Variants in NCKAP5 observed in about 807,000 individuals in gnomAD.
NCKAP5 encodes the protein NCK associated protein 5.
Under a neutral mutation model 167.0 loss-of-function variants are expected in NCKAP5, and 92 were observed. The observed-to-expected ratio is 0.55, with a 90% CI of 0.47 to 0.66. The LOEUF (loss-of-function observed/expected upper bound fraction) is 0.66, where lower values mean the gene tolerates loss of function less well. Among genes scored for constraint, NCKAP5 ranks in the 30% least tolerant of loss-of-function variants. The pLI, the probability that NCKAP5 is intolerant of heterozygous loss-of-function variation, is 0.00. For missense variants in NCKAP5, 2,378 were observed against 2,315.0 expected, an observed-to-expected ratio of 1.03 and a Z score of -0.56; for synonymous variants, 891 against 877.4, an observed-to-expected ratio of 1.02 and a Z score of -0.27.
intron 11 of NCKAP5, among the ~76,000 whole-genome samples, chr2:132,817,993 G>C (rs981296911): frequency 9.9e-5 from 15 of 152,162 alleles, no homozygotes; most frequent in Non-Finnish European, 1.5e-4. Flanking sequence ...CATTGCCCAG[G>C]CTGCAGTGCC....
intron 3 of NCKAP5, among the ~76,000 whole-genome samples, chr2:133,372,206 G>GCAAAGAC (rs1301692993): frequency 1.3e-5 from 2 of 152,156 alleles, no homozygotes; most frequent in Non-Finnish European, 2.9e-5. Context: ...ACTGTTATGG[G>GCAAAGAC]CAAAGACGGT....
At chr2:133,429,983 C>T (rs541946820) in intron 3 of NCKAP5, among the ~76,000 whole-genome samples, 17 of 152,234 alleles carry the variant, frequency 1.1e-4, no homozygotes, top group African/African-American at 3.1e-4. Flanking sequence ...TCACCAATAT[C>T]TGTTATTTTT....
chr2:132,835,905 T>A (rs1263671053), intron 11 of NCKAP5, among the ~76,000 whole-genome samples: 4 of 152,230 alleles, frequency 2.6e-5, no homozygotes, highest in African/African-American at 7.2e-5. Flanking sequence ...CTCCAACTTT[T>A]GAAATAATAA....
chr2:133,341,459 G>A (rs182763118), intron 3 of NCKAP5, among the ~76,000 whole-genome samples: 1 of 152,136 alleles, frequency 6.6e-6, no homozygotes, highest in East Asian at 1.9e-4. Context: ...AAGACCTTCA[G>A]GTAATTTTGA....
chr2:133,078,662 A>G (rs922866365), intron 6 of NCKAP5, among the ~76,000 whole-genome samples: 50 of 152,206 alleles, frequency 3.3e-4, no homozygotes, highest in African/African-American at 1.2e-3. Context: ...CTCCCCATTT[A>G]TACTAATCAC....
intron 6 of NCKAP5, among the ~76,000 whole-genome samples, chr2:133,077,863 C>A (rs2080664520): frequency 6.6e-6 from 1 of 152,178 alleles, no homozygotes. Context: ...AGAAGCAGAA[C>A]AGGAACCCAG....
intron 5 of NCKAP5, among the ~76,000 whole-genome samples, chr2:133,137,406 TTGTGTGTGTGTGTGTG>T (rs58955655): frequency 0.07 from 9,549 of 136,296 alleles, 586 homozygotes; most frequent in East Asian, 0.35. Context: ...GAGCTTGGTT[TTGTGTGTGTGTGTGTG>T]TGTGTGTGTG....
intron 3 of NCKAP5, among the ~76,000 whole-genome samples, chr2:133,307,755 T>C (rs1680883967): frequency 6.6e-6 from 1 of 152,184 alleles, no homozygotes; most frequent in Non-Finnish European, 1.5e-5. Flanking sequence ...TATGCATATG[T>C]GTATAACCAA....
At chr2:133,215,986 T>C (rs899438185) in intron 4 of NCKAP5, among the ~76,000 whole-genome samples, 1 of 151,920 alleles carries the variant, frequency 6.6e-6, no homozygotes, top group Non-Finnish European at 1.5e-5. Flanking sequence ...AATTGGAAAA[T>C]AAAATTTTAA....
At chr2:133,184,367 C>T (rs1408807550) in intron 5 of NCKAP5, among the ~76,000 whole-genome samples, 1 of 152,118 alleles carries the variant, frequency 6.6e-6, no homozygotes, top group Non-Finnish European at 1.5e-5. Context: ...CAATCCACCA[C>T]TGATGGACAC....
rs563475574 is a variant in NCKAP5, at chr2:132,816,408, A to C, written c.808-19679T>G. Among the ~76,000 whole-genome samples the C allele has an allele frequency of 2.9e-4, 44 of 152,278 alleles. No individual in the cohort carries two copies. In the Middle Eastern group the frequency reaches 0.014, roughly 47 times the overall value. On this transcript the variant is annotated intron_variant, in intron 11 of 19. Transcript: ENST00000409261. ...GCCAATGCTGAGTCACAGTTGCTTT[A>C]CAGTCAGAATGTCGGGAGCGGCTTG...
intron 3 of NCKAP5, among the ~76,000 whole-genome samples, chr2:133,406,731 G>A (rs1366278271): frequency 1.3e-5 from 2 of 152,166 alleles, no homozygotes; most frequent in Non-Finnish European, 2.9e-5. Context: ...GCTTTCTGCT[G>A]AGTAAATTCA....
At chr2:133,328,952 A>G (rs1352755538) in intron 3 of NCKAP5, among the ~76,000 whole-genome samples, 1 of 152,186 alleles carries the variant, frequency 6.6e-6, no homozygotes, top group African/African-American at 2.4e-5. Flanking sequence ...CTTTATGTGG[A>G]AATACCTTGT....
intron 3 of NCKAP5, among the ~76,000 whole-genome samples, chr2:133,341,090 G>A (rs1195373286): frequency 5.3e-5 from 8 of 152,034 alleles, no homozygotes; most frequent in Non-Finnish European, 1.0e-4. Context: ...ACCTGTGAAT[G>A]AAATCACTAA....
chr2:133,146,864 C>T (rs1574179417), intron 5 of NCKAP5, among the ~76,000 whole-genome samples: 2 of 152,096 alleles, frequency 1.3e-5, no homozygotes, highest in South Asian at 4.1e-4. Flanking sequence ...CATGTTCTCA[C>T]CTTCATGTTT....
chr2:133,249,379 A>G (rs1005946770), intron 4 of NCKAP5, among the ~76,000 whole-genome samples: 1 of 152,188 alleles, frequency 6.6e-6, no homozygotes, highest in African/African-American at 2.4e-5. Context: ...CAACCACTAG[A>G]AAGTGGGGAA....
intron 7 of NCKAP5, among the ~76,000 whole-genome samples, chr2:132,970,175 T>TA (rs534744951): frequency 9.6e-4 from 146 of 152,242 alleles, no homozygotes; most frequent in Non-Finnish European, 1.5e-3. Context: ...CAGTATTTTT[T>TA]AAAAAATCAA....
chr2:133,150,328 A>G (rs2083343803), intron 5 of NCKAP5, among the ~76,000 whole-genome samples: 1 of 152,216 alleles, frequency 6.6e-6, no homozygotes, highest in Non-Finnish European at 1.5e-5. Flanking sequence ...GGGTTATCAG[A>G]TAAAACAAGC....
chr2:132,951,128 C>A lies in NCKAP5; in HGVS notation c.579+12592G>T, dbSNP rs201367141. On this transcript the variant is annotated intron_variant, in intron 8 of 19. Coordinates refer to ENST00000409261, the MANE Select transcript of NCKAP5 (RefSeq NM_207363.3). Reference sequence around the variant, plus strand: ...TGAGATGCTGTTCTCTCAAAACAAACCACGGACACGTGTTACAAGCTGTAT... The same window carrying A: ...TGAGATGCTGTTCTCTCAAAACAAAACACGGACACGTGTTACAAGCTGTAT... Among the ~76,000 whole-genome samples, 9 of 152,262 alleles carry A rather than the reference C, an allele frequency of 5.9e-5. No individual in the cohort carries two copies. The East Asian group carries it at 1.5e-3, about 26-fold the overall frequency.
Sources: gnomAD v4.1 joint callset for allele counts (sites outside exome capture counted in the v4.1 genomes callset) on GRCh38, gnomAD v4.1.1 for gene constraint, MANE v1.5 for transcripts, NCBI Gene and HGNC (gene_info 2026-07-23, HGNC 2026-07-21) for gene names.